KIAA1217: variants seen among roughly 807,000 people sequenced by gnomAD.
The protein encoded by KIAA1217 is KIAA1217.
In KIAA1217, 88 loss-of-function variants were observed where a neutral mutation model predicts 163.9. That is an observed-to-expected ratio of 0.54 (90% CI 0.45 to 0.64). KIAA1217 has a LOEUF of 0.64. KIAA1217 is among the 30% of genes least tolerant of loss of function. The pLI is 0.00. For synonymous variants in KIAA1217, 903 were observed against 923.1 expected, an observed-to-expected ratio of 0.98 and a Z score of 0.39; for missense variants, 2,372 against 2,475.0, an observed-to-expected ratio of 0.96 and a Z score of 0.88.
chr10:24,163,352 A>G (rs996443544), intron 2 of KIAA1217, among the ~76,000 whole-genome samples: 1 of 152,192 alleles, frequency 6.6e-6, no homozygotes, highest in African/African-American at 2.4e-5. Flanking sequence ...AAATGAGACT[A>G]TTGTCATTAA....
intron 4 of KIAA1217, 146 bp downstream of exon 4, chr10:24,433,339 TG>T: frequency 1.6e-6 from 1 of 639,300 alleles, no homozygotes; most frequent in Non-Finnish European, 2.7e-6. Context: ...TTTTGTTTTT[TG>T]TTTGGTCCAT....
rs551149778 is a variant in KIAA1217, at chr10:24,172,412, T to A, written c.-170-47214T>A. 2.0e-5 allele frequency among the ~76,000 whole-genome samples: 3 copies of A among 152,252 alleles called. No individual in the cohort carries two copies. In the East Asian group the frequency reaches 5.8e-4, roughly 29 times the overall value. On this transcript the variant is annotated intron_variant, in intron 2 of 18. Transcript: ENST00000376462. The stretch of plus-strand genomic sequence containing the variant: ...TCTCAGTAACAATTTTGAGAAGCAG[T>A]TTGTGTAGTCCCTAAGAGCACAAAA...
chr10:24,227,919 G>A (rs1407442341), intron 2 of KIAA1217, among the ~76,000 whole-genome samples: 1 of 152,142 alleles, frequency 6.6e-6, no homozygotes, highest in Non-Finnish European at 1.5e-5. Flanking sequence ...TGCTGTCTGA[G>A]TGCCCCTCAG....
At chr10:23,947,908 G>T (rs538261380) in intron 1 of KIAA1217, among the ~76,000 whole-genome samples, 24 of 152,330 alleles carry the variant, frequency 1.6e-4, no homozygotes, top group South Asian at 6.2e-4. Context: ...CCCTGACTGA[G>T]AAGAGGTTCT....
intron 1 of KIAA1217, among the ~76,000 whole-genome samples, chr10:23,851,200 T>A (rs1002654552): frequency 6.6e-6 from 1 of 152,052 alleles, no homozygotes; most frequent in Non-Finnish European, 1.5e-5. Flanking sequence ...AGTGTGATGT[T>A]CCCCTTCCTG....
At chr10:24,045,097 G>A (rs1045551802) in intron 2 of KIAA1217, among the ~76,000 whole-genome samples, 9 of 152,084 alleles carry the variant, frequency 5.9e-5, no homozygotes, top group African/African-American at 2.2e-4. Context: ...ACATTTCAAT[G>A]ATACTTTGGA....
In KIAA1217 at chr10:23,753,595, T is replaced by A. The variant is rs1197968042; in HGVS notation, c.-321+58361T>A. ...TTGCTATAATATATTTTCAAAACAT[T>A]TGGGAGTAGGAATCTCACTGATTGA... On this transcript the variant is annotated intron_variant, in intron 1 of 18. Coordinates refer to the KIAA1217 transcript ENST00000376462. Among the ~76,000 whole-genome samples, 3 of 152,206 alleles carry A rather than the reference T, an allele frequency of 2.0e-5. No homozygotes were observed. The East Asian group carries it at 5.8e-4, about 29-fold the overall frequency.
At chr10:24,095,192 A>G (rs1290996592) in intron 2 of KIAA1217, among the ~76,000 whole-genome samples, 2 of 152,156 alleles carry the variant, frequency 1.3e-5, no homozygotes, top group Non-Finnish European at 2.9e-5. Context: ...CTTCCCGAGT[A>G]AGGCAATGCC....
At chr10:24,071,066 G>A (rs1359001221) in intron 2 of KIAA1217, among the ~76,000 whole-genome samples, 1 of 152,068 alleles carries the variant, frequency 6.6e-6, no homozygotes, top group Non-Finnish European at 1.5e-5. Flanking sequence ...GAGACCAATT[G>A]AAGGGAACAT....
intron 1 of KIAA1217, among the ~76,000 whole-genome samples, chr10:23,755,562 G>T (rs1342976264): frequency 6.6e-6 from 1 of 152,162 alleles, no homozygotes; most frequent in African/African-American, 2.4e-5. Context: ...GTGGCCTCGA[G>T]TGAGGAGCAA....
intron 1 of KIAA1217, among the ~76,000 whole-genome samples, chr10:23,955,739 T>C (rs1185064866): frequency 6.6e-6 from 1 of 152,224 alleles, no homozygotes; most frequent in Non-Finnish European, 1.5e-5. Flanking sequence ...GCTTTTTTGC[T>C]AAAGGAGAGC....
rs999213121 is a variant in KIAA1217 at position 24,517,997 on chromosome 10, T to TA, written c.2178-2119dup. Among the ~76,000 whole-genome samples, 26 of 152,008 alleles carry TA rather than the reference T, an allele frequency of 1.7e-4. 1 individual carries two copies. In the East Asian group the frequency reaches 4.6e-3, roughly 27 times the overall value. ...GTGACAGAGAGAGACTGTCTAAAAATAAAAAAATAAAACTATGAAAAGAAA... is the reference window on the plus strand; with the variant it reads ...GTGACAGAGAGAGACTGTCTAAAAATAAAAAAAATAAAACTATGAAAAGAAA... On this transcript the variant is annotated intron_variant, in intron 10 of 20. Coordinates refer to ENST00000376454, the MANE Select transcript of KIAA1217 (RefSeq NM_019590.5).
chr10:24,537,368 G>A (rs922358118), intron 17 of KIAA1217, among the ~76,000 whole-genome samples: 4 of 152,096 alleles, frequency 2.6e-5, no homozygotes, highest in East Asian at 1.9e-4. Context: ...CTGAGGTCAG[G>A]AGTTCGAGAC....
intron 1 of KIAA1217, among the ~76,000 whole-genome samples, chr10:23,863,697 T>G (rs967128126): frequency 3.9e-5 from 6 of 152,178 alleles, no homozygotes; most frequent in African/African-American, 1.4e-4. Context: ...CAAATGGACT[T>G]AGGTACTATC....
chr10:24,150,319 A>G (rs1042670471), intron 2 of KIAA1217, among the ~76,000 whole-genome samples: 3 of 152,186 alleles, frequency 2.0e-5, no homozygotes, highest in African/African-American at 7.2e-5. Context: ...CTAGCTTGTT[A>G]GAAGGCAGTA....
chr10:24,062,385 A>G (rs928620238), intron 2 of KIAA1217, among the ~76,000 whole-genome samples: 3 of 145,390 alleles, frequency 2.1e-5, no homozygotes, highest in Non-Finnish European at 4.5e-5. Flanking sequence ...GAGAACATGC[A>G]GTGTTTGGTT....
chr10:24,537,331 T>C (rs4748952), intron 17 of KIAA1217, among the ~76,000 whole-genome samples: 13,392 of 152,118 alleles, frequency 0.088, 699 homozygotes, highest in East Asian at 0.14. Flanking sequence ...ATCCCACCAC[T>C]TTGGGAGGCC....
intron 2 of KIAA1217, among the ~76,000 whole-genome samples, chr10:24,279,263 T>TG (rs2077642200): frequency 4.5e-5 from 1 of 22,010 alleles, no homozygotes; most frequent in Non-Finnish European, 9.0e-5. Flanking sequence ...GTGGTGGTGG[T>TG]GTTTTTGTTT....
In KIAA1217 at chr10:24,381,071, A is replaced by G; in HGVS notation, c.553+4A>G. ...CAGACGAAAGAAAGATCTCTGGGTA[A>G]GCTTTAGAAGGCAGTTTCTGATGCC... On this transcript the variant is annotated splice_donor_region_variant and intron_variant, in intron 3 of 20. Transcript: ENST00000376454. 1 of 1,532,500 alleles carries G rather than the reference A, an allele frequency of 6.5e-7. No homozygotes were observed. The highest frequency in any genetic ancestry group is 8.8e-7 in the Non-Finnish European group (1 of 1,136,924). 94.9% of individuals were successfully genotyped at this position (1,532,500 alleles called of 1,614,324 possible).
Sources: gnomAD v4.1 joint callset for allele counts (sites outside exome capture counted in the v4.1 genomes callset) on GRCh38, gnomAD v4.1.1 for gene constraint, MANE v1.5 for transcripts, NCBI Gene and HGNC (gene_info 2026-07-23, HGNC 2026-07-21) for gene names.